RUFY1: variants seen among roughly 807,000 people sequenced by gnomAD.
The protein encoded by RUFY1 is RUN and FYVE domain containing 1, also known as RUN and FYVE domain-containing protein 1.
In RUFY1, 54 loss-of-function variants were observed where a neutral mutation model predicts 94.6. The observed-to-expected ratio is 0.57, with a 90% CI of 0.46 to 0.72. The LOEUF (loss-of-function observed/expected upper bound fraction) is 0.72, where lower values mean the gene tolerates loss of function less well. Among genes scored for constraint, RUFY1 ranks in the 30% least tolerant of loss-of-function variants. RUFY1 has a pLI of 0.00. For synonymous variants in RUFY1, 396 were observed against 347.3 expected (o/e 1.14, Z -1.56); for missense variants, 883 against 883.9 (o/e 1.00, Z 0.01).
chr5:179,577,159 C>CTTTTTGTTTTTT, intron 6 of RUFY1, 23 bp downstream of exon 6: 1 of 183,384 alleles, frequency 5.5e-6, no homozygotes, highest in South Asian at 4.5e-5. Context: ...TTGTATGTCA[C>CTTTTTGTTTTTT]TTTTTTTTTT....
Position 179,593,520 on chromosome 5 carries a change from G to A in RUFY1, c.1288G>A (p.Glu430Lys), listed in dbSNP as rs778459080. Residue 430 changes from glutamate (E) to lysine (K), a missense_variant, in exon 11 of 18, where the codon GAA becomes AAA. Physicochemically the swap from Glu to Lys is moderately conservative, Grantham distance 56. Transcript: ENST00000319449. ...GGAGTTACAAATTGGAATGAAAACC[G>A]AAATGGAAATTGCAATGAAGTTACT... ...ELELQIGMKT[E>K]MEIAMKLLEK... 1.7e-5 allele frequency: 28 copies of A among 1,612,484 alleles called. No individual in the cohort carries two copies. Among genetic ancestry groups the A allele is most frequent in the East Asian group, 6.7e-5 (3 of 44,882 alleles).
chr5:179,565,742 A>G (rs1367686169), intron 3 of RUFY1, among the ~76,000 whole-genome samples: 3 of 152,196 alleles, frequency 2.0e-5, no homozygotes, highest in Non-Finnish European at 2.9e-5. Context: ...TGATGAGGTG[A>G]CCATCCCGAA....
chr5:179,602,439 G>C (rs1414007270), intron 15 of RUFY1: 1 of 159,754 alleles, frequency 6.3e-6, no homozygotes, highest in African/African-American at 2.4e-5. Context: ...GCCAGAGTCT[G>C]TCTGTCTCTG....
Position 179,589,510 on chromosome 5 carries a change from T to A in RUFY1, c.1027-36T>A, listed in dbSNP as rs577804940. ...TTTAATTTGAACAATAAGATTAATTTTGATGTTAAGAACTGTAAAAATTTT... is the reference window on the plus strand; with the variant it reads ...TTTAATTTGAACAATAAGATTAATTATGATGTTAAGAACTGTAAAAATTTT... On this transcript the variant is annotated intron_variant, in intron 8 of 17. Transcript: ENST00000319449. 7 of 1,268,036 alleles carry A rather than the reference T, an allele frequency of 5.5e-6. No homozygotes were observed. The African/African-American group carries it at 8.8e-5, about 16-fold the overall frequency. The allele number at this position is 1,268,036 out of a possible 1,614,324, so 78.5% of individuals were successfully genotyped here.
At chr5:179,603,209 A>G (rs10213707) in intron 15 of RUFY1, among the ~76,000 whole-genome samples, 7,563 of 151,724 alleles carry the variant, frequency 0.05, 625 homozygotes, top group African/African-American at 0.17. Context: ...AGGTTGCAGT[A>G]AGCCGAGATT....
intron 17 of RUFY1, 36 bp from the exon 18 acceptor site, chr5:179,609,340 C>G: frequency 6.2e-7 from 1 of 1,603,684 alleles, no homozygotes; most frequent in Non-Finnish European, 8.5e-7. Context: ...GGCTTTTCCC[C>G]GGGTGTCCTG....
intron 16 of RUFY1, 27 bp downstream of exon 16, chr5:179,605,951 T>C (rs1258795421): frequency 1.3e-6 from 2 of 1,537,544 alleles, no homozygotes; most frequent in Admixed American, 1.7e-5. Context: ...AACCACTTCT[T>C]TGCTGTCAGC....
intron 5 of RUFY1, chr5:179,572,463 G>A (rs1763297243): frequency 5.3e-6 from 1 of 187,852 alleles, no homozygotes; most frequent in South Asian, 8.2e-5. Flanking sequence ...TCCCCCACCC[G>A]CTGATGTGAC....
chr5:179,552,051 G>A (rs1200678641), intron 1 of RUFY1, among the ~76,000 whole-genome samples: 1 of 148,912 alleles, frequency 6.7e-6, no homozygotes, highest in Non-Finnish European at 1.5e-5. Flanking sequence ...TGTAGTCCCA[G>A]CTACTCAGGA....
chr5:179,603,097 G>A (rs557968967), intron 15 of RUFY1, among the ~76,000 whole-genome samples: 5 of 152,024 alleles, frequency 3.3e-5, no homozygotes, highest in South Asian at 2.1e-4. Flanking sequence ...GTGAAGCCCC[G>A]TCTCTACTAA....
At chr5:179,580,418 A>G (rs1764057818) in intron 6 of RUFY1, among the ~76,000 whole-genome samples, 2 of 150,362 alleles carry the variant, frequency 1.3e-5, no homozygotes, top group Non-Finnish European at 3.0e-5. Context: ...AATTTTTTGT[A>G]TTTTTAGTAG....
chr5:179,595,306 C>T (rs75612868), intron 12 of RUFY1, among the ~76,000 whole-genome samples: 13,582 of 152,078 alleles, frequency 0.089, 696 homozygotes, highest in Middle Eastern at 0.13. Context: ...GGTGAAACCC[C>T]GTCTCTACTA....
At chr5:179,590,359 A>G (rs564579809) in intron 9 of RUFY1, among the ~76,000 whole-genome samples, 23 of 151,036 alleles carry the variant, frequency 1.5e-4, no homozygotes, top group Non-Finnish European at 1.8e-4. Flanking sequence ...GTCTCAAAAA[A>G]AAAAAGAGAG....
Position 179,562,546 on chromosome 5 carries a change from G to A in RUFY1, c.485-1G>A. 6.3e-7 allele frequency: 1 copy of A among 1,579,950 alleles called. No individual in the cohort carries two copies. The highest frequency in any genetic ancestry group is 8.7e-7 in the Non-Finnish European group (1 of 1,150,834). ...AATAACACTTTTGTTTTTCCTTTTA[G>A]TTAAGAAGAGTTTTATTGGCCAAAA... On this transcript the variant is annotated splice_acceptor_variant, in intron 2 of 17. Transcript: ENST00000319449. LOFTEE classifies it high-confidence loss of function.
chr5:179,566,010 C>T (rs1581441554), intron 3 of RUFY1, among the ~76,000 whole-genome samples: 1 of 151,884 alleles, frequency 6.6e-6, no homozygotes, highest in Non-Finnish European at 1.5e-5. Context: ...TGTGGTAGCA[C>T]GTGCCTGCTG....
At chr5:179,608,321 C>G (rs893325338) in intron 17 of RUFY1, 3 of 985,594 alleles carry the variant, frequency 3.0e-6, no homozygotes, top group Non-Finnish European at 3.6e-6. Context: ...ACAGCTACCC[C>G]ACCCGCTCCC....
At chr5:179,606,257 C>T (rs899901402) in intron 16 of RUFY1, 10 of 344,558 alleles carry the variant, frequency 2.9e-5, no homozygotes, top group African/African-American at 1.7e-4. Context: ...AAAACAGGCC[C>T]TTCTGTTGAA....
At chr5:179,587,382 C>CT (rs368624764) in intron 8 of RUFY1, among the ~76,000 whole-genome samples, 11 of 136,766 alleles carry the variant, frequency 8.0e-5, no homozygotes, top group Middle Eastern at 3.9e-3. Context: ...TTCTTTCTTT[C>CT]TTTTTTTTTT....
intron 7 of RUFY1, among the ~76,000 whole-genome samples, chr5:179,584,346 A>G (rs771644718): frequency 6.6e-6 from 1 of 152,216 alleles, no homozygotes; most frequent in African/African-American, 2.4e-5. Context: ...CTGGGTTCAG[A>G]TGCCAGCACC....
Sources: allele counts gnomAD v4.1 joint callset (sites outside exome capture counted in the v4.1 genomes callset), GRCh38; gene constraint gnomAD v4.1.1; transcripts MANE v1.5; gene names NCBI Gene and HGNC (gene_info 2026-07-23, HGNC 2026-07-21).